SLC2A13: variants seen among roughly 807,000 people sequenced by gnomAD.
SLC2A13 encodes the protein solute carrier family 2 member 13, also known as proton myo-inositol cotransporter.
SLC2A13 carries 32 observed loss-of-function variants against 64.4 expected under a neutral mutation model. The ratio of observed to expected loss-of-function variants is 0.50; its 90% confidence interval spans 0.37 to 0.67. The LOEUF (loss-of-function observed/expected upper bound fraction) is 0.67. Ranked by LOEUF, SLC2A13 falls within the 30% of genes least tolerant of loss-of-function variation. SLC2A13 has a pLI of 0.00. For missense variants in SLC2A13, 743 were observed against 829.2 expected, an observed-to-expected ratio of 0.90 and a Z score of 1.28; for synonymous variants, 338 against 327.1, an observed-to-expected ratio of 1.03 and a Z score of -0.36.
At chr12:39,782,710 C>G (rs969271586) in intron 7 of SLC2A13, among the ~76,000 whole-genome samples, 1 of 151,942 alleles carries the variant, frequency 6.6e-6, no homozygotes, top group Middle Eastern at 3.2e-3. Context: ...CAAAAGAAGA[C>G]AGGAAAATGT....
chr12:39,948,666 G>A (rs2136097513), intron 4 of SLC2A13, among the ~76,000 whole-genome samples: 1 of 152,158 alleles, frequency 6.6e-6, no homozygotes, highest in East Asian at 1.9e-4. Flanking sequence ...GTAAACGACA[G>A]AATTTTCAAA....
At position 39,979,566 on chromosome 12, in the gene SLC2A13, G is replaced by C. The variant is rs973049014; in HGVS notation, c.926-28201C>G. On this transcript the variant is annotated intron_variant, in intron 3 of 9. Coordinates refer to ENST00000280871, the MANE Select transcript of SLC2A13 (RefSeq NM_052885.4). ...GCCGATGCGATCAACTGGAAGAAAG[G>C]GTATCAGCAACGGAAGATGAAATGA... Among the ~76,000 whole-genome samples the C allele has an allele frequency of 1.5e-4, 22 of 149,236 alleles. No homozygotes were observed. In the East Asian group the frequency reaches 2.4e-3, roughly 16 times the overall value.
intron 3 of SLC2A13, among the ~76,000 whole-genome samples, chr12:39,995,098 A>G (rs930331390): frequency 1.3e-5 from 2 of 152,242 alleles, no homozygotes; most frequent in African/African-American, 4.8e-5. Context: ...GCTTTAAAAC[A>G]AACAAAACTA....
intron 4 of SLC2A13, among the ~76,000 whole-genome samples, chr12:39,929,144 T>G (rs1945778688): frequency 6.6e-6 from 1 of 152,070 alleles, no homozygotes; most frequent in South Asian, 2.1e-4. Context: ...ACAACCCAAG[T>G]CTGGGGACTG....
chr12:39,871,725 G>C, intron 5 of SLC2A13, 73 bp downstream of exon 5: 1 of 1,424,396 alleles, frequency 7.0e-7, no homozygotes, highest in Non-Finnish European at 9.4e-7. Flanking sequence ...TGTAAGTATT[G>C]TATTTTTGAA....
intron 4 of SLC2A13, among the ~76,000 whole-genome samples, chr12:39,875,653 A>T (rs1944164590): frequency 6.6e-6 from 1 of 152,204 alleles, no homozygotes; most frequent in Non-Finnish European, 1.5e-5. Context: ...TTTAAAAGGT[A>T]ATCAGTTCTA....
At chr12:39,993,129 A>C (rs1399213463) in intron 3 of SLC2A13, among the ~76,000 whole-genome samples, 8 of 152,254 alleles carry the variant, frequency 5.3e-5, no homozygotes, top group Admixed American at 5.2e-4. Context: ...AAGAGGAATA[A>C]TATTGTAATA....
At chr12:39,802,462 G>T (rs1425094987) in intron 7 of SLC2A13, 1 of 152,156 alleles carries the variant, frequency 6.6e-6, no homozygotes, top group East Asian at 1.9e-4. Flanking sequence ...AAATGATGCC[G>T]AGAAATAGGC....
At chr12:39,881,129 C>A (rs1786810708) in intron 4 of SLC2A13, among the ~76,000 whole-genome samples, 1 of 152,056 alleles carries the variant, frequency 6.6e-6, no homozygotes, top group Non-Finnish European at 1.5e-5. Context: ...AAAAACAAAA[C>A]TTCATGCTTT....
At chr12:39,825,821 C>G (rs1226431430) in intron 7 of SLC2A13, among the ~76,000 whole-genome samples, 1 of 152,104 alleles carries the variant, frequency 6.6e-6, no homozygotes, top group East Asian at 1.9e-4. Flanking sequence ...CCTCTGCTAA[C>G]TCTACAGGCT....
intron 7 of SLC2A13, among the ~76,000 whole-genome samples, chr12:39,794,123 C>CAAAAAAAAAAAAA (rs36179669): frequency 1.3e-5 from 1 of 78,372 alleles, no homozygotes; most frequent in African/African-American, 5.1e-5. Context: ...GGCCAAATTG[C>CAAAAAAAAAAAAA]AAAAAAAAAA....
intron 1 of SLC2A13, among the ~76,000 whole-genome samples, chr12:40,099,350 T>C (rs925854242): frequency 6.6e-6 from 1 of 152,168 alleles, no homozygotes. Flanking sequence ...ACAAGAAAGA[T>C]GTACAAAGGA....
At chr12:39,848,344 C>G (rs1022454953) in intron 6 of SLC2A13, among the ~76,000 whole-genome samples, 18 of 151,960 alleles carry the variant, frequency 1.2e-4, no homozygotes, top group African/African-American at 4.3e-4. Flanking sequence ...AAAAACAACC[C>G]CATTAAAAAG....
intron 6 of SLC2A13, among the ~76,000 whole-genome samples, chr12:39,858,828 G>A (rs922451741): frequency 2.6e-5 from 4 of 152,074 alleles, no homozygotes; most frequent in Non-Finnish European, 4.4e-5. Context: ...GACTGGTCTC[G>A]AACTCCTGAC....
At position 39,945,948 on chromosome 12, in the gene SLC2A13, C is replaced by T. The variant is rs1004080684; in HGVS notation, c.1034+5309G>A. ...GAAGAGCCTTGTTTTGTCATATAGCCATGGTTGGCCTTCTGGTTCCTTCTT... is the reference window on the plus strand; with the variant it reads ...GAAGAGCCTTGTTTTGTCATATAGCTATGGTTGGCCTTCTGGTTCCTTCTT... On this transcript the variant is annotated intron_variant, in intron 4 of 9. Transcript: ENST00000280871. 2.0e-4 allele frequency among the ~76,000 whole-genome samples: 30 copies of T among 152,026 alleles called. 1 individual carries two copies.
At chr12:39,816,419 G>C (rs1358913728) in intron 7 of SLC2A13, among the ~76,000 whole-genome samples, 1 of 134,752 alleles carries the variant, frequency 7.4e-6, no homozygotes, top group Admixed American at 7.8e-5. Flanking sequence ...ATCACACCCC[G>C]GGGCCTGTTG....
chr12:39,881,910 T>C (rs545079748), intron 4 of SLC2A13, among the ~76,000 whole-genome samples: 12 of 152,240 alleles, frequency 7.9e-5, no homozygotes, highest in African/African-American at 2.9e-4. Context: ...CCCTGTATCA[T>C]GATTCTCGGT....
At chr12:40,062,107 T>TA (rs1165553446) in intron 1 of SLC2A13, among the ~76,000 whole-genome samples, 1 of 151,964 alleles carries the variant, frequency 6.6e-6, no homozygotes, top group Non-Finnish European at 1.5e-5. Flanking sequence ...TATCCATGTG[T>TA]AAAAAAATAA....
Position 40,105,101 on chromosome 12 carries a change from C to A in SLC2A13, c.556+152G>T. On this transcript the variant is annotated intron_variant, in intron 1 of 9. Transcript: ENST00000280871. This position sits in a 1 kb window ranked among gnomAD's most constrained non-coding sequence, Gnocchi z 4.2. ...GGGAGAGCCTTGGAGGCTGGACCAA[C>A]AAACAGATGGGCTCTGGAGGCCAGA... The A allele has an allele frequency of 8.3e-7, 1 of 1,205,224 alleles. No individual in the cohort carries two copies. Among genetic ancestry groups the A allele is most frequent in the Non-Finnish European group, 1.1e-6 (1 of 943,930 alleles). The allele number at this position is 1,205,224 out of a possible 1,614,324, so 74.7% of individuals were successfully genotyped here.
Sources: gnomAD v4.1 joint callset for allele counts (sites outside exome capture counted in the v4.1 genomes callset) on GRCh38, gnomAD v4.1.1 for gene constraint, Gnocchi (gnomAD v3.1) non-coding constraint, MANE v1.5 for transcripts, NCBI Gene and HGNC (gene_info 2026-07-23, HGNC 2026-07-21) for gene names.